Variants in TRIM28 observed in about 807,000 individuals in gnomAD.
TRIM28 encodes tripartite motif containing 28, also known as transcription intermediary factor 1-beta.
In TRIM28, 8 loss-of-function variants were observed where a neutral mutation model predicts 87.4. The ratio of observed to expected loss-of-function variants is 0.09; its 90% CI spans 0.05 to 0.17. TRIM28 has a LOEUF of 0.17. TRIM28 is among the 10% of genes least tolerant of loss of function. The probability of loss-of-function intolerance (pLI) is 1.00; values close to 1 mark genes in which losing one functional copy is unlikely to be tolerated. For synonymous variants in TRIM28, 601 were observed against 454.3 expected, an observed-to-expected ratio of 1.32 and a Z score of -4.11; for missense variants, 968 against 1,131.8, an observed-to-expected ratio of 0.86 and a Z score of 2.08.
chr19:58,549,224 G>A lies in TRIM28; in HGVS notation c.1646G>A (p.Gly549Asp). Residue 549 changes from glycine (G) to aspartate (D), a missense_variant, in exon 12 of 17, where the codon GGC becomes GAC. Coordinates refer to ENST00000253024, the MANE Select transcript of TRIM28 (RefSeq NM_005762.3). The surrounding 1 kb of genome is among the most constrained non-coding windows in gnomAD (Gnocchi z 4.4). ...AGTPGAPPLA[G>D]MAIVKEEETE... ...ACCCCTGGTGCCCCACCCCTGGCTG[G>A]CATGGCCATTGTCAAGGTAAGCCTG... 1 of 1,613,526 alleles carries A rather than the reference G, an allele frequency of 6.2e-7. No homozygotes were observed.
chr19:58,548,237 C>T, intron 7 of TRIM28, 57 bp downstream of exon 7: 1 of 1,613,620 alleles, frequency 6.2e-7, no homozygotes, highest in Non-Finnish European at 8.5e-7. Context: ...CCCAATACCT[C>T]AAATCCCTAT....
In TRIM28 at chr19:58,548,890, C is replaced by T. The variant is rs1456390768; in HGVS notation, c.1389C>T (p.Pro463=). The T allele has an allele frequency of 3.1e-6, 5 of 1,613,972 alleles. No homozygotes were observed. The highest frequency in any genetic ancestry group is 2.7e-5 in the African/African-American group (2 of 74,902). Residue 463 remains proline (P), a synonymous_variant, in exon 11 of 17, where the codon CCC becomes CCT. Transcript: ENST00000253024. ...ATGATCCCTACTCAAGTGCAGAGCC[C>T]CATGTGTCAGGTGTGAAACGGTAAG... ...SGDDPYSSAE[P]HVSGVKRSRS...
Position 58,550,508 on chromosome 19 carries a change from C to T in TRIM28, c.2463C>T (p.Gly821=), listed in dbSNP as rs2053807835. The T allele has an allele frequency of 1.2e-6, 2 of 1,612,206 alleles. No homozygotes were observed. Among genetic ancestry groups the T allele is most frequent in the African/African-American group, 1.3e-5 (1 of 74,940 alleles). ...CGCCGATGAGCCTGCCTGGTGCTGGCCTGAGTTCCCAGGAGCTGTCTGGTG... is the reference window on the plus strand; with the variant it reads ...CGCCGATGAGCCTGCCTGGTGCTGGTCTGAGTTCCCAGGAGCTGTCTGGTG... ...EPPPMSLPGA[G]LSSQELSGGP... The change falls in exon 17 of 17, where the codon GGC becomes GGT. Residue 821 remains glycine, a synonymous_variant. Coordinates refer to ENST00000253024, the MANE Select transcript of TRIM28 (RefSeq NM_005762.3).
intron 1 of TRIM28, 95 bp downstream of exon 1, chr19:58,545,192 T>C (rs2053750048): frequency 8.4e-7 from 1 of 1,190,744 alleles, no homozygotes; most frequent in African/African-American, 1.6e-5. Flanking sequence ...GGCGAGAGGA[T>C]GGGGGCCCGG....
intron 3 of TRIM28, 69 bp downstream of exon 3, chr19:58,545,965 T>G: frequency 6.6e-7 from 1 of 1,526,348 alleles, no homozygotes. Context: ...TTTATGATGT[T>G]GGTTGCATCT....
At position 58,544,848 on chromosome 19, in the gene TRIM28, A is replaced by C; in HGVS notation, c.91A>C (p.Lys31Gln). 7.8e-7 allele frequency: 1 copy of C among 1,286,490 alleles called. No homozygotes were observed. Among genetic ancestry groups the C allele is most frequent in the Non-Finnish European group, 9.8e-7 (1 of 1,017,704 alleles). 79.7% of individuals were successfully genotyped at this position (1,286,490 alleles called of 1,614,324 possible). ...GGGCGAGGGCTCCGCTGGCGGCGAAAAGCGCTCCACCGCCCCTTCGGCCGC... is the reference window on the plus strand; with the variant it reads ...GGGCGAGGGCTCCGCTGGCGGCGAACAGCGCTCCACCGCCCCTTCGGCCGC... ...GPGEGSAGGE[K>Q]RSTAPSAAAS... The change falls in exon 1 of 17, where the codon AAG becomes CAG. Residue 31 changes from lysine (K) to glutamine (Q), a missense_variant. By Grantham distance (53) the Lys-to-Gln change is moderately conservative. Around this residue, in one of 11 missense-constraint regions of TRIM28, gnomAD observed 208 missense variants for 170.9 expected, o/e 1.22. Coordinates refer to ENST00000253024, the MANE Select transcript of TRIM28 (RefSeq NM_005762.3).
In TRIM28 at chr19:58,549,749, C is replaced by T. The variant is rs763051308; in HGVS notation, c.1995C>T (p.Ser665=). The change falls in exon 14 of 17, where the codon AGC becomes AGT. Residue 665 remains serine, a synonymous_variant. Coordinates refer to ENST00000253024, the MANE Select transcript of TRIM28 (RefSeq NM_005762.3). This position sits in a 1 kb window ranked among gnomAD's most constrained non-coding sequence, Gnocchi z 4.4. ...TTCTTCACCCTAGGGAGGAGTGGAG[C>T]TGCTCACTCTGCCATGTGCTCCCTG... ...ALQDVPGEEW[S]CSLCHVLPDL... 4 of 1,608,894 alleles carry T rather than the reference C, an allele frequency of 2.5e-6. No homozygotes were observed. The highest frequency in any genetic ancestry group is 1.1e-5 in the South Asian group (1 of 90,574).
Position 58,545,343 on chromosome 19 carries a change from G to A in TRIM28, c.341-82G>A. On this transcript the variant is annotated intron_variant, in intron 1 of 16. Transcript: ENST00000253024. ...TGGTTCGCTGCGGGATAATGGTCGG[G>A]GGCCCACCCAGCAGGGGAATGGTGG... 5.1e-6 allele frequency: 6 copies of A among 1,169,870 alleles called. No individual in the cohort carries two copies. In the South Asian group the frequency reaches 5.5e-5, roughly 11 times the overall value. 72.5% of individuals were successfully genotyped at this position (1,169,870 alleles called of 1,614,324 possible).
intron 3 of TRIM28, among the ~76,000 whole-genome samples, chr19:58,546,258 C>T (rs1232480398): frequency 1.3e-5 from 2 of 152,140 alleles, no homozygotes; most frequent in Non-Finnish European, 2.9e-5. Flanking sequence ...CCCTGGCACA[C>T]ATCTGGTATA....
In TRIM28 at chr19:58,544,830, G is replaced by T. The variant is rs1459606389; in HGVS notation, c.73G>T (p.Gly25Cys). The T allele has an allele frequency of 1.6e-6, 2 of 1,274,198 alleles. No homozygotes were observed. The highest frequency in any genetic ancestry group is 2.0e-6 in the Non-Finnish European group (2 of 1,010,464). 78.9% of individuals were successfully genotyped at this position (1,274,198 alleles called of 1,614,324 possible). ...CTCTGGCAGCCCGGGCCCGGGCGAGGGCTCCGCTGGCGGCGAAAAGCGCTC... is the reference window on the plus strand; with the variant it reads ...CTCTGGCAGCCCGGGCCCGGGCGAGTGCTCCGCTGGCGGCGAAAAGCGCTC... ...AASGSPGPGE[G>C]SAGGEKRSTA... The change falls in exon 1 of 17, where the codon GGC (glycine) becomes TGC (cysteine). Residue 25 changes from glycine to cysteine, a missense_variant. Gly to Cys is a radical substitution (Grantham distance 159). This residue lies in a region of TRIM28 where 208 missense variants were observed against 170.9 expected (regional missense o/e 1.22). Coordinates refer to ENST00000253024, the MANE Select transcript of TRIM28 (RefSeq NM_005762.3).
chr19:58,544,863 C>T lies in TRIM28; in HGVS notation c.106C>T (p.Pro36Ser), dbSNP rs1310123566. Residue 36 changes from proline (P) to serine (S), a missense_variant, in exon 1 of 17, where the codon CCT becomes TCT. By Grantham distance (74) the Pro-to-Ser change is moderately conservative. Transcript: ENST00000253024. The part of the protein sequence containing the change: ...SAGGEKRSTA[P>S]SAAASASASA... The stretch of plus-strand genomic sequence containing the variant: ...TGGCGGCGAAAAGCGCTCCACCGCC[C>T]CTTCGGCCGCAGCCTCGGCCTCTGC... 1.1e-5 allele frequency: 15 copies of T among 1,307,914 alleles called. No homozygotes were observed. Among genetic ancestry groups the T allele is most frequent in the South Asian group, 6.3e-5 (3 of 47,500 alleles). The allele number at this position is 1,307,914 out of a possible 1,614,324, so 81.0% of individuals were successfully genotyped here.
At position 58,544,684 on chromosome 19, in the gene TRIM28, G is replaced by T; in HGVS notation, c.-74G>T. 1.5e-6 allele frequency: 1 copy of T among 655,492 alleles called. No individual in the cohort carries two copies. The highest frequency in any genetic ancestry group is 1.9e-6 in the Non-Finnish European group (1 of 529,458). The allele number at this position is 655,492 out of a possible 1,614,324, so 40.6% of individuals were successfully genotyped here. A position where few individuals can be genotyped will look rare whatever the true frequency, so the allele number is the denominator to read the frequency against. ...CGGCGGCAGCGGCCCAGCAGTTGGCGGCGAGCGCGTCTGCGCCTGCGCGGC... is the reference window on the plus strand; with the variant it reads ...CGGCGGCAGCGGCCCAGCAGTTGGCTGCGAGCGCGTCTGCGCCTGCGCGGC... On this transcript the variant is annotated 5_prime_UTR_variant, in exon 1 of 17. Coordinates refer to ENST00000253024, the MANE Select transcript of TRIM28 (RefSeq NM_005762.3).
In TRIM28 at chr19:58,548,984, A is replaced by G; in HGVS notation, c.1410-4A>G. On this transcript the variant is annotated splice_region_variant and splice_polypyrimidine_tract_variant and intron_variant, in intron 11 of 16. Coordinates refer to ENST00000253024, the MANE Select transcript of TRIM28 (RefSeq NM_005762.3). The stretch of plus-strand genomic sequence containing the variant: ...GTACTCATGCCAGGTTGCTGCATCT[A>G]CAGGTCCCGCTCAGGTGAGGGCGAG... 2.5e-6 allele frequency: 4 copies of G among 1,614,034 alleles called. No homozygotes were observed. Among genetic ancestry groups the G allele is most frequent in the Non-Finnish European group, 3.4e-6 (4 of 1,179,990 alleles).
chr19:58,548,011 C>T lies in TRIM28; in HGVS notation c.955-23C>T, dbSNP rs199636143. The T allele has an allele frequency of 5.0e-4, 808 of 1,614,024 alleles. 1 individual carries two copies. Among genetic ancestry groups the T allele is most frequent in the Middle Eastern group, 3.5e-3 (21 of 6,062 alleles). On this transcript the variant is annotated intron_variant, in intron 6 of 16. Transcript: ENST00000253024. ...AGTATTCTTCTGCCTTCTCTGCTTA[C>T]CTCATACACCTTCTATCTGCAGAAG...
chr19:58,544,620 C>T lies in TRIM28; in HGVS notation c.-138C>T. The T allele has an allele frequency of 4.6e-6, 1 of 216,040 alleles. No individual in the cohort carries two copies. The highest frequency in any genetic ancestry group is 7.8e-6 in the Non-Finnish European group (1 of 127,486). The allele number at this position is 216,040 out of a possible 1,614,324, so 13.4% of individuals were successfully genotyped here. On this transcript the variant is annotated 5_prime_UTR_variant, in exon 1 of 17. Coordinates refer to ENST00000253024, the MANE Select transcript of TRIM28 (RefSeq NM_005762.3). ...CGTCCCGCGCGCGGCGGGCAGCGGC[C>T]CAGGAGGCGCGTGGCGGCGCTCGGC... is the stretch of plus-strand genomic sequence containing the variant.
chr19:58,545,056 C>G lies in TRIM28; in HGVS notation c.299C>G (p.Ala100Gly). 6.9e-7 allele frequency: 1 copy of G among 1,456,428 alleles called. No individual in the cohort carries two copies. The highest frequency in any genetic ancestry group is 1.4e-5 in the South Asian group (1 of 72,558). 90.2% of individuals were successfully genotyped at this position (1,456,428 alleles called of 1,614,324 possible). ...ACLGPAAPAA[A>G]NSSGDGGAAG... ...TTAGGGCCCGCGGCCCCCGCCGCCG[C>G]CAACAGCTCGGGGGACGGCGGGGCG... Residue 100 changes from alanine to glycine, a missense_variant, in exon 1 of 17, where the codon GCC becomes GGC. Ala to Gly is a moderately conservative substitution (Grantham distance 60, BLOSUM62 0). Coordinates refer to ENST00000253024, the MANE Select transcript of TRIM28 (RefSeq NM_005762.3).
intron 3 of TRIM28, 137 bp from the exon 4 acceptor site, chr19:58,547,239 T>C (rs2053769190): frequency 3.5e-6 from 4 of 1,153,716 alleles, no homozygotes; most frequent in Admixed American, 2.5e-5. Flanking sequence ...TGTTCTTCCC[T>C]GGCCACACCC....
intron 5 of TRIM28, 23 bp downstream of exon 5, chr19:58,547,736 T>TG (rs766395816): frequency 1.2e-6 from 2 of 1,613,802 alleles, no homozygotes; most frequent in Non-Finnish European, 1.7e-6. Flanking sequence ...TCTGGGGCTG[T>TG]GGGGGTGGCC....
At chr19:58,550,344 C>T (rs747904147) in intron 16 of TRIM28, 33 bp from the exon 17 acceptor site, 28 of 1,612,874 alleles carry the variant, frequency 1.7e-5, no homozygotes, top group Non-Finnish European at 2.4e-5. Flanking sequence ...AGAACTAGGA[C>T]CCATTCATCC....
Sources: allele counts gnomAD v4.1 joint callset (sites outside exome capture counted in the v4.1 genomes callset), GRCh38; gene constraint gnomAD v4.1.1; regional missense constraint gnomAD v4.1.1; non-coding constraint Gnocchi (gnomAD v3.1); transcripts MANE v1.5; gene names NCBI Gene and HGNC (gene_info 2026-07-23, HGNC 2026-07-21).